Variants in CHSY1 observed in about 807,000 individuals in gnomAD.
The protein encoded by CHSY1 is chondroitin sulfate synthase 1, also known as N-acetylgalactosaminyl-proteoglycan 3-beta-glucuronosyltransferase 1.
In CHSY1, 13 loss-of-function variants were observed where a neutral mutation model predicts 59.8. The observed-to-expected ratio is 0.22, with a 90% CI of 0.14 to 0.35. The LOEUF (loss-of-function observed/expected upper bound fraction) is 0.35, where lower values mean the gene tolerates loss of function less well. CHSY1 is among the 10% of genes least tolerant of loss of function. The pLI, the probability that CHSY1 is intolerant of heterozygous loss-of-function variation, is 1.00. For synonymous variants in CHSY1, 459 were observed against 401.2 expected (o/e 1.14, Z -1.72); for missense variants, 947 against 1,030.6 (o/e 0.92, Z 1.11).
At chr15:101,205,821 G>T (rs537232667) in intron 2 of CHSY1, among the ~76,000 whole-genome samples, 2 of 152,196 alleles carry the variant, frequency 1.3e-5, no homozygotes, top group Non-Finnish European at 2.9e-5. Flanking sequence ...CGTGGTGGTG[G>T]GCGCCCGTAG....
At position 101,177,970 on chromosome 15, in the gene CHSY1, T is replaced by A. The variant is rs777310090; in HGVS notation, c.1827A>T (p.Ser609=). Reference sequence around the variant, plus strand: ...ATCCTACTTCCAGGGCCAGGGCTCTTGAAAACTCTCCAGACACAGGCAAAA... The same window carrying A: ...ATCCTACTTCCAGGGCCAGGGCTCTAGAAAACTCTCCAGACACAGGCAAAA... The part of the protein sequence containing the change: ...MQILPVSGEF[S]RALALEVGSS... Residue 609 remains serine (S), a synonymous_variant, in exon 3 of 3, where the codon TCA becomes TCT. Coordinates refer to ENST00000254190, the MANE Select transcript of CHSY1 (RefSeq NM_014918.5). 6.2e-7 allele frequency: 1 copy of A among 1,614,150 alleles called. No individual in the cohort carries two copies. The highest frequency in any genetic ancestry group is 1.1e-5 in the South Asian group (1 of 91,078).
At chr15:101,203,704 A>G (rs980309408) in intron 2 of CHSY1, among the ~76,000 whole-genome samples, 1 of 152,218 alleles carries the variant, frequency 6.6e-6, no homozygotes, top group Non-Finnish European at 1.5e-5. Context: ...CACCGAAATC[A>G]TGTGCTCCTG....
Position 101,178,371 on chromosome 15 carries a change from T to C in CHSY1, c.1426A>G (p.Thr476Ala), listed in dbSNP as rs759415725. 2 of 1,608,912 alleles carry C rather than the reference T, an allele frequency of 1.2e-6. No homozygotes were observed. The highest frequency in any genetic ancestry group is 1.7e-5 in the Admixed American group (1 of 59,818). ...PVRRHAYLQQ[T>A]FSKIQFVEHE... Reference sequence around the variant, plus strand: ...TCCACAAACTGGATTTTGCTGAAAGTCTGCTGTAAATACGCGTGCCTCCTC... The same window carrying C: ...TCCACAAACTGGATTTTGCTGAAAGCCTGCTGTAAATACGCGTGCCTCCTC... The change falls in exon 3 of 3, where the codon ACT becomes GCT. Residue 476 changes from threonine to alanine, a missense_variant. Thr to Ala is a moderately conservative substitution (Grantham distance 58). This residue lies in a region of CHSY1 where 602 missense variants were observed against 676.9 expected (regional missense o/e 0.89). Coordinates refer to ENST00000254190, the MANE Select transcript of CHSY1 (RefSeq NM_014918.5).
chr15:101,189,468 G>A, intron 2 of CHSY1: 1 of 985,584 alleles, frequency 1.0e-6, no homozygotes, highest in Non-Finnish European at 1.2e-6. Context: ...TGGAGCTCGG[G>A]GGGACCAGGA....
intron 2 of CHSY1, among the ~76,000 whole-genome samples, chr15:101,204,972 T>C (rs1262711355): frequency 6.6e-6 from 1 of 152,002 alleles, no homozygotes; most frequent in Admixed American, 6.6e-5. Context: ...AAGATCATAG[T>C]AACTAATTTT....
chr15:101,246,607 T>G (rs2039055497), intron 1 of CHSY1, among the ~76,000 whole-genome samples: 1 of 152,212 alleles, frequency 6.6e-6, no homozygotes, highest in Non-Finnish European at 1.5e-5. Flanking sequence ...ATTCTGAGCA[T>G]GACGAAGATG....
At chr15:101,234,574 A>G (rs966572600) in intron 2 of CHSY1, among the ~76,000 whole-genome samples, 1 of 152,248 alleles carries the variant, frequency 6.6e-6, no homozygotes, top group African/African-American at 2.4e-5. Flanking sequence ...GTATTAGGAC[A>G]AAAGTATGGA....
intron 2 of CHSY1, among the ~76,000 whole-genome samples, chr15:101,213,819 T>A (rs1015016702): frequency 6.6e-6 from 1 of 152,232 alleles, no homozygotes; most frequent in Non-Finnish European, 1.5e-5. Context: ...ATTTACATAG[T>A]TCCTACTGTG....
intron 1 of CHSY1, among the ~76,000 whole-genome samples, chr15:101,243,079 A>G (rs1013981930): frequency 3.3e-5 from 5 of 152,040 alleles, no homozygotes; most frequent in African/African-American, 1.2e-4. Context: ...GGCAGGGGGG[A>G]TTACAGCCTC....
intron 2 of CHSY1, among the ~76,000 whole-genome samples, chr15:101,216,484 A>G (rs1287183005): frequency 6.6e-6 from 1 of 152,220 alleles, no homozygotes; most frequent in Non-Finnish European, 1.5e-5. Context: ...CGAAAACCAA[A>G]TGTCTTTCAG....
intron 2 of CHSY1, among the ~76,000 whole-genome samples, chr15:101,189,106 G>A (rs1188124191): frequency 6.6e-6 from 1 of 152,242 alleles, no homozygotes; most frequent in Admixed American, 6.5e-5. Flanking sequence ...CAAATGTCAC[G>A]TACAGAGAAG....
intron 2 of CHSY1, among the ~76,000 whole-genome samples, chr15:101,213,172 TC>T (rs1449126931): frequency 6.6e-6 from 1 of 152,118 alleles, no homozygotes; most frequent in East Asian, 1.9e-4. Flanking sequence ...TGAATATAAA[TC>T]TAAATAAAAA....
At chr15:101,238,241 G>C (rs553757616) in intron 1 of CHSY1, among the ~76,000 whole-genome samples, 1 of 130,976 alleles carries the variant, frequency 7.6e-6, no homozygotes, top group African/African-American at 3.9e-5. Flanking sequence ...TGAAACCATC[G>C]GCACCATCCA....
chr15:101,229,085 T>C (rs914526626), intron 2 of CHSY1, among the ~76,000 whole-genome samples: 5 of 151,966 alleles, frequency 3.3e-5, no homozygotes, highest in Admixed American at 6.6e-5. Context: ...TACTAAAAAA[T>C]ACAGTAAAAG....
intron 2 of CHSY1, among the ~76,000 whole-genome samples, chr15:101,217,466 T>C (rs1489487618): frequency 6.6e-6 from 1 of 152,208 alleles, no homozygotes; most frequent in Non-Finnish European, 1.5e-5. Context: ...ACCCAAGTCT[T>C]GCTTTCTAAT....
chr15:101,222,671 T>C (rs1404123227), intron 2 of CHSY1, among the ~76,000 whole-genome samples: 2 of 152,218 alleles, frequency 1.3e-5, no homozygotes, highest in Non-Finnish European at 2.9e-5. Context: ...ACGGGTCAAG[T>C]ATCTTGCGGA....
intron 2 of CHSY1, among the ~76,000 whole-genome samples, chr15:101,193,675 G>A (rs570628142): frequency 9.8e-5 from 15 of 152,324 alleles, no homozygotes; most frequent in African/African-American, 3.6e-4. Flanking sequence ...TTTACTCCAT[G>A]GACCCAAATT....
At chr15:101,201,293 G>A (rs942796423) in intron 2 of CHSY1, among the ~76,000 whole-genome samples, 3 of 152,188 alleles carry the variant, frequency 2.0e-5, no homozygotes, top group Non-Finnish European at 2.9e-5. Context: ...AATGAGGCTG[G>A]TGGTTAAAGA....
chr15:101,235,641 G>A (rs1323857810), intron 1 of CHSY1, 64 bp from the exon 2 acceptor site: 9 of 1,528,120 alleles, frequency 5.9e-6, no homozygotes, highest in African/African-American at 2.7e-5. Context: ...AGGAATTCAC[G>A]TTATCTGCTC....
Sources: allele counts gnomAD v4.1 joint callset (sites outside exome capture counted in the v4.1 genomes callset), GRCh38; gene constraint gnomAD v4.1.1; regional missense constraint gnomAD v4.1.1; transcripts MANE v1.5; gene names NCBI Gene and HGNC (gene_info 2026-07-23, HGNC 2026-07-21).